MAGI1: variants seen among roughly 807,000 people sequenced by gnomAD.
MAGI1 encodes the protein membrane-associated guanylate kinase, WW and PDZ domain-containing protein 1.
Under a neutral mutation model 139.9 loss-of-function variants are expected in MAGI1, and 58 were observed. That is an observed-to-expected ratio of 0.41 (90% CI 0.34 to 0.52). MAGI1 has a LOEUF of 0.52. MAGI1 is among the 20% of genes least tolerant of loss of function. The pLI, the probability that MAGI1 is intolerant of heterozygous loss-of-function variation, is 0.12. For missense variants in MAGI1, 1,874 were observed against 1,901.6 expected (o/e 0.99, Z 0.27); for synonymous variants, 812 against 737.9 (o/e 1.10, Z -1.63).
intron 2 of MAGI1, among the ~76,000 whole-genome samples, chr3:65,608,217 G>T (rs532721370): frequency 6.6e-6 from 1 of 152,122 alleles, no homozygotes; most frequent in South Asian, 2.1e-4. Flanking sequence ...TGAGACAGGC[G>T]GATCACCTGA....
rs190379864 is a variant in MAGI1, at chr3:65,565,701, A to C, written c.430+56271T>G. Among the ~76,000 whole-genome samples the C allele has an allele frequency of 1.5e-3, 231 of 151,986 alleles. 1 individual carries two copies. Among genetic ancestry groups the C allele is most frequent in the African/African-American group, 5.4e-3 (222 of 41,442 alleles). On this transcript the variant is annotated intron_variant, in intron 2 of 22. Coordinates refer to ENST00000402939, the MANE Select transcript of MAGI1 (RefSeq NM_001033057.2). ...GTGAAACCCTGTCTCTACTAAAAAT[A>C]CAAAAATTAGCCGGGTGTGGTGGTG...
intron 6 of MAGI1, chr3:65,452,554 G>A (rs2107493741): frequency 6.7e-6 from 1 of 149,868 alleles, no homozygotes; most frequent in South Asian, 2.1e-4. Context: ...TTGGTGTACT[G>A]AAAAGGGACA....
Position 65,363,558 on chromosome 3 carries a change from G to C in MAGI1, c.3402C>G (p.Gly1134=). 6.2e-7 allele frequency: 1 copy of C among 1,614,072 alleles called. No homozygotes were observed. Among genetic ancestry groups the C allele is most frequent in the African/African-American group, 1.3e-5 (1 of 75,050 alleles). ...ACTCTCGGCCTCCTCGAAGGCTAAA[G>C]CCAAATCCCTTGGCTCCTCTTTCCA... ...VELERGAKGF[G]FSLRGGREYN... The change falls in exon 21 of 23, where the codon GGC becomes GGG. Residue 1134 remains glycine, a synonymous_variant. Coordinates refer to ENST00000402939, the MANE Select transcript of MAGI1 (RefSeq NM_001033057.2).
chr3:65,714,185 T>C (rs1190371216), intron 1 of MAGI1, among the ~76,000 whole-genome samples: 2 of 152,184 alleles, frequency 1.3e-5, no homozygotes, highest in African/African-American at 2.4e-5. Context: ...TGGCAGTTAT[T>C]ATCAATATGA....
At chr3:65,522,386 T>C (rs1052507526) in intron 2 of MAGI1, among the ~76,000 whole-genome samples, 2 of 152,172 alleles carry the variant, frequency 1.3e-5, no homozygotes, top group Admixed American at 6.5e-5. Flanking sequence ...CCTAATCTCA[T>C]AGGTAACTTA....
rs540316897 is a variant in MAGI1, at chr3:65,899,797, G to C, written c.313+138199C>G. On this transcript the variant is annotated intron_variant, in intron 1 of 22. Coordinates refer to ENST00000402939, the MANE Select transcript of MAGI1 (RefSeq NM_001033057.2). ...ACATTCTGAATGGGACTTTCAAAGG[G>C]GGATAAAGTTAAAACTGGATTAAGG... 3.9e-5 allele frequency among the ~76,000 whole-genome samples: 6 copies of C among 152,174 alleles called. No individual in the cohort carries two copies. In the South Asian group the frequency reaches 1.0e-3, roughly 26 times the overall value.
chr3:65,476,526 G>T (rs887688949), intron 4 of MAGI1, among the ~76,000 whole-genome samples: 1 of 152,172 alleles, frequency 6.6e-6, no homozygotes, highest in South Asian at 2.1e-4. Flanking sequence ...ATAGTAGTTA[G>T]AAACAGGAAA....
chr3:65,621,930 C>T (rs759879021), intron 2 of MAGI1, 42 bp downstream of exon 2: 1 of 1,410,590 alleles, frequency 7.1e-7, no homozygotes, highest in South Asian at 1.2e-5. Context: ...CACACACACA[C>T]ACACACACAC....
chr3:65,376,490 A>AG (rs1441395597), intron 17 of MAGI1, among the ~76,000 whole-genome samples: 2 of 152,226 alleles, frequency 1.3e-5, no homozygotes, highest in African/African-American at 2.4e-5. Flanking sequence ...AAAACACCTG[A>AG]TGAACAAACA....
At chr3:65,572,423 C>T (rs2081000202) in intron 2 of MAGI1, among the ~76,000 whole-genome samples, 1 of 152,110 alleles carries the variant, frequency 6.6e-6, no homozygotes, top group Non-Finnish European at 1.5e-5. Context: ...AGAGTGCATT[C>T]TATTGCATTG....
At chr3:65,425,109 A>T (rs569648570) in intron 12 of MAGI1, among the ~76,000 whole-genome samples, 602 of 30,744 alleles carry the variant, frequency 0.02, 13 homozygotes, top group African/African-American at 0.057. Flanking sequence ...TAGAACTTCT[A>T]AAAAAAAAAA....
chr3:66,032,689 C>A (rs114905612), intron 1 of MAGI1, among the ~76,000 whole-genome samples: 2,457 of 151,690 alleles, frequency 0.016, 75 homozygotes, highest in African/African-American at 0.056. Context: ...GAGGCCAAGG[C>A]GGCAGGCAGA....
At chr3:65,453,115 A>G in intron 6 of MAGI1, 143 bp downstream of exon 6, 1 of 691,692 alleles carries the variant, frequency 1.4e-6, no homozygotes. Flanking sequence ...TGCTTTTGTA[A>G]ACCACAGTCC....
intron 1 of MAGI1, among the ~76,000 whole-genome samples, chr3:65,862,490 C>T (rs1003213208): frequency 9.2e-5 from 14 of 152,180 alleles, no homozygotes; most frequent in African/African-American, 3.4e-4. Flanking sequence ...TAAACAGCAG[C>T]ACAGCAGGAT....
intron 1 of MAGI1, among the ~76,000 whole-genome samples, chr3:65,713,286 C>G (rs556639397): frequency 6.6e-6 from 1 of 152,088 alleles, no homozygotes; most frequent in Non-Finnish European, 1.5e-5. Context: ...GAAACTAGCC[C>G]GGGAAGAAAC....
chr3:65,979,098 CGCCA>C (rs776231299), intron 1 of MAGI1, among the ~76,000 whole-genome samples: 45 of 102,452 alleles, frequency 4.4e-4, no homozygotes, highest in Non-Finnish European at 5.5e-4. Flanking sequence ...TCCCCCCCCC[CGCCA>C]CCCCCCACAG....
At chr3:65,492,524 G>A (rs1231260472) in intron 3 of MAGI1, among the ~76,000 whole-genome samples, 3 of 152,146 alleles carry the variant, frequency 2.0e-5, no homozygotes, top group South Asian at 2.1e-4. Flanking sequence ...AAGAAAACCA[G>A]AAGTGCTTTA....
At chr3:65,987,236 T>G (rs1196194225) in intron 1 of MAGI1, among the ~76,000 whole-genome samples, 1 of 152,100 alleles carries the variant, frequency 6.6e-6, no homozygotes, top group Admixed American at 6.6e-5. Context: ...TCATGTGACT[T>G]TGGGAGGGAA....
chr3:65,460,747 G>A (rs1377175227), intron 5 of MAGI1, among the ~76,000 whole-genome samples: 1 of 151,940 alleles, frequency 6.6e-6, no homozygotes, highest in Non-Finnish European at 1.5e-5. Context: ...CCCTCCCTGT[G>A]CCCATATGTC....
Sources: allele counts gnomAD v4.1 joint callset (sites outside exome capture counted in the v4.1 genomes callset), GRCh38; gene constraint gnomAD v4.1.1; transcripts MANE v1.5; gene names NCBI Gene and HGNC (gene_info 2026-07-23, HGNC 2026-07-21).